GRIK5: variants seen among roughly 807,000 people sequenced by gnomAD.
GRIK5 encodes the protein glutamate receptor ionotropic, kainate 5.
A neutral mutation model predicts 97.4 loss-of-function variants in GRIK5; 43 were observed. The ratio of observed to expected loss-of-function variants is 0.44; its 90% CI spans 0.35 to 0.57. The LOEUF is 0.57. GRIK5 is among the 20% of genes least tolerant of loss of function. GRIK5 has a pLI of 0.01. For synonymous variants in GRIK5, 580 were observed against 583.5 expected (o/e 0.99, Z 0.09); for missense variants, 1,015 against 1,382.0 (o/e 0.73, Z 4.21).
Position 42,002,328 on chromosome 19 carries a change from G to A in GRIK5, c.2514+1004C>T, listed in dbSNP as rs2075432572. Reference sequence around the variant, plus strand: ...GGTCAGGAGAGGGTTTAAGACTGGAGAAATGACAGCATATTTGTACGTTGG... The same window carrying A: ...GGTCAGGAGAGGGTTTAAGACTGGAAAAATGACAGCATATTTGTACGTTGG... On this transcript the variant is annotated intron_variant, in intron 19 of 19. Coordinates refer to ENST00000593562, the MANE Select transcript of GRIK5 (RefSeq NM_002088.5). This position sits in a 1 kb window ranked among gnomAD's most constrained non-coding sequence, Gnocchi z 5.2. 1.4e-6 allele frequency: 1 copy of A among 717,658 alleles called. No homozygotes were observed. The allele number at this position is 717,658 out of a possible 1,614,324, so 44.5% of individuals were successfully genotyped here.
rs552774865 is a variant in GRIK5 at position 42,042,600 on chromosome 19, G to C, written c.1425C>G (p.Pro475=). The change falls in exon 12 of 20, where the codon CCC becomes CCG. Residue 475 remains proline (P), a synonymous_variant. Coordinates refer to ENST00000593562, the MANE Select transcript of GRIK5 (RefSeq NM_002088.5). This position sits in a 1 kb window ranked among gnomAD's most constrained non-coding sequence, Gnocchi z 6.9. ...RLVEDGLYGA[P]EPNGSWTGMV... is the part of the protein sequence containing the mutation. Reference sequence around the variant, plus strand: ...TGCCCGTCCAGGAGCCGTTGGGCTCGGGCGCCCCGTACAGCCCATCCTCCA... The same window carrying C: ...TGCCCGTCCAGGAGCCGTTGGGCTCCGGCGCCCCGTACAGCCCATCCTCCA... The C allele has an allele frequency of 6.2e-7, 1 of 1,612,264 alleles. No homozygotes were observed. Among genetic ancestry groups the C allele is most frequent in the Non-Finnish European group, 8.5e-7 (1 of 1,179,894 alleles).
rs2075697448 is a variant in GRIK5 at position 42,021,536 on chromosome 19, G to C, written c.1698-62C>G. The stretch of plus-strand genomic sequence containing the variant: ...AGCCCAGGTGGGGAGGAAAAGGAAA[G>C]AAGCAAAGGAAAGTCACAGTGATCA... On this transcript the variant is annotated intron_variant, in intron 14 of 19. Transcript: ENST00000593562. The surrounding 1 kb of genome is among the most constrained non-coding windows in gnomAD (Gnocchi z 4.2). The C allele has an allele frequency of 7.3e-7, 1 of 1,371,428 alleles. No homozygotes were observed. The highest frequency in any genetic ancestry group is 2.8e-5 in the Admixed American group (1 of 35,306). The allele number at this position is 1,371,428 out of a possible 1,614,324, so 85.0% of individuals were successfully genotyped here. A position where few individuals can be genotyped will look rare whatever the true frequency, so the allele number is the denominator to read the frequency against.
At chr19:42,063,283 C>T (rs1233638320) in intron 3 of GRIK5, 1 of 459,410 alleles carries the variant, frequency 2.2e-6, no homozygotes, top group Non-Finnish European at 4.4e-6. Context: ...CCAAACACCA[C>T]TCTCCCACTG....
intron 11 of GRIK5, among the ~76,000 whole-genome samples, chr19:42,043,471 T>C (rs1276087950): frequency 1.4e-5 from 2 of 147,270 alleles, no homozygotes; most frequent in African/African-American, 5.0e-5. Flanking sequence ...AGTGGCGCGA[T>C]CTCAACTCAC....
At chr19:42,047,890 G>C (rs974625870) in intron 11 of GRIK5, among the ~76,000 whole-genome samples, 2 of 147,414 alleles carry the variant, frequency 1.4e-5, no homozygotes, top group African/African-American at 5.0e-5. Flanking sequence ...AGAATCACTT[G>C]AACCCAGGAG....
rs766289090 is a variant in GRIK5 at position 42,062,987 on chromosome 19, G to A, written c.245-132C>T. 3.8e-5 allele frequency: 26 copies of A among 679,038 alleles called. No individual in the cohort carries two copies. Among genetic ancestry groups the A allele is most frequent in the African/African-American group, 1.1e-4 (6 of 56,204 alleles). The allele number at this position is 679,038 out of a possible 1,614,324, so 42.1% of individuals were successfully genotyped here. On this transcript the variant is annotated intron_variant, in intron 3 of 19. Transcript: ENST00000593562. The surrounding 1 kb of genome is among the most constrained non-coding windows in gnomAD (Gnocchi z 5.3). ...ACTGCCTGATCCTCTTCTGCCATCCGGGACCCAGAAGGCCAGTCTCTGACC... is the reference window on the plus strand; with the variant it reads ...ACTGCCTGATCCTCTTCTGCCATCCAGGACCCAGAAGGCCAGTCTCTGACC...
Position 42,029,256 on chromosome 19 carries a change from C to T in GRIK5, c.1474-6902G>A, listed in dbSNP as rs181057939. Among the ~76,000 whole-genome samples, 454 of 151,608 alleles carry T rather than the reference C, an allele frequency of 3.0e-3. 1 individual carries two copies. The highest frequency in any genetic ancestry group is 0.011 in the African/African-American group (438 of 41,358). On this transcript the variant is annotated intron_variant, in intron 12 of 19. Coordinates refer to ENST00000593562, the MANE Select transcript of GRIK5 (RefSeq NM_002088.5). ...CTAATTTTTGTATTTTTAGTAGAGACGGCGTTTCACCATGTTGGCCAGGAT... is the reference window on the plus strand; with the variant it reads ...CTAATTTTTGTATTTTTAGTAGAGATGGCGTTTCACCATGTTGGCCAGGAT...
At chr19:42,012,598 G>A (rs2075577173) in intron 15 of GRIK5, among the ~76,000 whole-genome samples, 1 of 152,102 alleles carries the variant, frequency 6.6e-6, no homozygotes, top group East Asian at 1.9e-4. Flanking sequence ...AGAACAGGCT[G>A]GGCGCAGTGG....
Position 42,003,774 on chromosome 19 carries a change from C to A in GRIK5, c.2264-91G>T, listed in dbSNP as rs1003224736. On this transcript the variant is annotated intron_variant, in intron 17 of 19. Coordinates refer to ENST00000593562, the MANE Select transcript of GRIK5 (RefSeq NM_002088.5). The surrounding 1 kb of genome is among the most constrained non-coding windows in gnomAD (Gnocchi z 4.2). ...AAACTGTGCCCTCACCACGGCCTTCCCCCGCCTCTACCACGTGCCCAGGGT... is the reference window on the plus strand; with the variant it reads ...AAACTGTGCCCTCACCACGGCCTTCACCCGCCTCTACCACGTGCCCAGGGT... 1.1e-5 allele frequency: 15 copies of A among 1,393,552 alleles called. No homozygotes were observed. In the African/African-American group the frequency reaches 2.0e-4, roughly 19 times the overall value. 86.3% of individuals were successfully genotyped at this position (1,393,552 alleles called of 1,614,324 possible).
intron 3 of GRIK5, chr19:42,063,262 C>T (rs754417062): frequency 4.0e-4 from 183 of 461,372 alleles, no homozygotes; most frequent in Non-Finnish European, 4.8e-5. Context: ...CCCCTGGAGC[C>T]TTCCCATACT....
intron 1 of GRIK5, 101 bp downstream of exon 1, chr19:42,069,140 C>G (rs933668355): frequency 2.5e-6 from 1 of 405,452 alleles, no homozygotes; most frequent in African/African-American, 2.1e-5. Flanking sequence ...CTTGCCAGTC[C>G]GGAGAACGGG....
chr19:42,019,759 A>G (rs2075674627), intron 15 of GRIK5, among the ~76,000 whole-genome samples: 1 of 152,198 alleles, frequency 6.6e-6, no homozygotes, highest in Admixed American at 6.5e-5. Context: ...CAAGGAATGC[A>G]AGTGGCTTCT....
intron 15 of GRIK5, among the ~76,000 whole-genome samples, chr19:42,009,832 C>T (rs1351524691): frequency 6.7e-6 from 1 of 150,270 alleles, no homozygotes; most frequent in Admixed American, 6.6e-5. Flanking sequence ...TTTCGGAGGC[C>T]GATGGGGGCG....
At chr19:42,054,776 T>C (rs1342232732) in intron 8 of GRIK5, among the ~76,000 whole-genome samples, 1 of 152,168 alleles carries the variant, frequency 6.6e-6, no homozygotes, top group Non-Finnish European at 1.5e-5. Context: ...TGGGCAGGTA[T>C]GTCTGTGAAT....
At chr19:42,068,983 A>G (rs1052025057) in intron 1 of GRIK5, 4 of 567,694 alleles carry the variant, frequency 7.0e-6, no homozygotes, top group African/African-American at 5.7e-5. Context: ...CCCAAGTAAG[A>G]GCAATCAGCC....
rs1404411852 is a variant in GRIK5, at chr19:42,022,333, C to T, written c.1495G>A (p.Ala499Thr). Reference sequence around the variant, plus strand: ...TCCCGCTCAGCTGTGATGGTGAAGGCGGCCACAGCCAGGTCTGCCTTCTGC... The same window carrying T: ...TCCCGCTCAGCTGTGATGGTGAAGGTGGCCACAGCCAGGTCTGCCTTCTGC... The part of the protein sequence containing the change: ...INRKADLAVA[A>T]FTITAEREKV... The change falls in exon 13 of 20, where the codon GCC becomes ACC. Residue 499 changes from alanine to threonine, a missense_variant. By Grantham distance (58) the Ala-to-Thr change is moderately conservative (BLOSUM62 0). Around this residue, in one of 5 missense-constraint regions of GRIK5, gnomAD observed 477 missense variants for 701.1 expected, o/e 0.68. Coordinates refer to ENST00000593562, the MANE Select transcript of GRIK5 (RefSeq NM_002088.5). This position sits in a 1 kb window ranked among gnomAD's most constrained non-coding sequence, Gnocchi z 4.2. The T allele has an allele frequency of 1.2e-6, 2 of 1,613,628 alleles. No homozygotes were observed. Among genetic ancestry groups the T allele is most frequent in the Non-Finnish European group, 8.5e-7 (1 of 1,179,844 alleles).
intron 11 of GRIK5, among the ~76,000 whole-genome samples, chr19:42,053,144 A>C (rs1009612241): frequency 1.1e-4 from 16 of 152,156 alleles, no homozygotes; most frequent in African/African-American, 3.1e-4. Flanking sequence ...CAGAACACAG[A>C]GGTCAAGACT....
intron 8 of GRIK5, 73 bp from the exon 9 acceptor site, chr19:42,054,545 GC>G: frequency 6.5e-7 from 1 of 1,544,900 alleles, no homozygotes; most frequent in Non-Finnish European, 8.8e-7. Flanking sequence ...AGGCCCCTGA[GC>G]TGCCACCCTC....
At chr19:42,067,461 C>T (rs2146194324) in intron 1 of GRIK5, among the ~76,000 whole-genome samples, 1 of 152,222 alleles carries the variant, frequency 6.6e-6, no homozygotes, top group South Asian at 2.1e-4. Context: ...AAGGTGAAGG[C>T]TTGTCAAGGA....
Sources: allele counts gnomAD v4.1 joint callset (sites outside exome capture counted in the v4.1 genomes callset), GRCh38; gene constraint gnomAD v4.1.1; regional missense constraint gnomAD v4.1.1; non-coding constraint Gnocchi (gnomAD v3.1); transcripts MANE v1.5; gene names NCBI Gene and HGNC (gene_info 2026-07-23, HGNC 2026-07-21).